Variants in ARHGAP6 observed in about 807,000 individuals in gnomAD.
The protein encoded by ARHGAP6 is rho GTPase-activating protein 6.
A neutral mutation model predicts 55.7 loss-of-function variants in ARHGAP6; 16 were observed. The ratio of observed to expected loss-of-function variants is 0.29; its 90% confidence interval spans 0.19 to 0.44. ARHGAP6 has a LOEUF of 0.44. Among genes scored for constraint, ARHGAP6 ranks in the 20% least tolerant of loss-of-function variants. The probability of loss-of-function intolerance (pLI) is 1.00; values close to 1 mark genes in which losing one functional copy is unlikely to be tolerated. For missense variants in ARHGAP6, 698 were observed against 808.9 expected, an observed-to-expected ratio of 0.86 and a Z score of 1.66; for synonymous variants, 382 against 360.9, an observed-to-expected ratio of 1.06 and a Z score of -0.66.
At chrX:11,488,994 T>C (rs1250587988) in intron 1 of ARHGAP6, among the ~76,000 whole-genome samples, 1 of 112,161 alleles carries the variant, frequency 8.9e-6, no homozygotes. Flanking sequence ...AATGATTTTA[T>C]AATAATCTAT....
chrX:11,298,765 C>T lies in ARHGAP6; in HGVS notation c.589-44058G>A, dbSNP rs771933695. 1.2e-5 allele frequency: 15 copies of T among 1,208,780 alleles called. No homozygotes were observed. The highest frequency in any genetic ancestry group is 7.0e-5 in the African/African-American group (4 of 56,768). ...CAACACCACCAGCCAAACCTCCCTC[C>T]GCCCGCCCAGCAGCCCTACCAGCCC... is the stretch of plus-strand genomic sequence containing the variant. On this transcript the variant is annotated intron_variant, in intron 1 of 12. Transcript: ENST00000337414.
chrX:11,192,635 G>A (rs2046475412), intron 3 of ARHGAP6, among the ~76,000 whole-genome samples: 1 of 112,351 alleles, frequency 8.9e-6, no homozygotes, highest in South Asian at 3.7e-4. Context: ...TTACTTCACA[G>A]CTCACATACA....
At chrX:11,293,069 T>C (rs779172647) in intron 1 of ARHGAP6, among the ~76,000 whole-genome samples, 6 of 112,484 alleles carry the variant, frequency 5.3e-5, no homozygotes, top group East Asian at 2.8e-4. Context: ...CCACCTACCT[T>C]GATTTTTGTA....
intron 1 of ARHGAP6, among the ~76,000 whole-genome samples, chrX:11,565,846 C>T (rs917293894): frequency 8.9e-6 from 1 of 111,747 alleles, no homozygotes; most frequent in African/African-American, 3.3e-5. Flanking sequence ...GTTAACTGGC[C>T]TCCATAGAAG....
chrX:11,180,136 A>G (rs1013591087), intron 6 of ARHGAP6, among the ~76,000 whole-genome samples: 2 of 111,501 alleles, frequency 1.8e-5, no homozygotes, highest in African/African-American at 3.3e-5. Context: ...CTTATTAACA[A>G]TTACCAGAAG....
chrX:11,544,623 C>G lies in ARHGAP6; in HGVS notation c.588+119618G>C, dbSNP rs1228431246. On this transcript the variant is annotated intron_variant, in intron 1 of 12. Coordinates refer to ENST00000337414, the MANE Select transcript of ARHGAP6 (RefSeq NM_013427.3). ...TTGGAATGAGGTTCACTTCATGGTT[C>G]ATCTTATTTGTTTCAAGCAAGGGTC... Among the ~76,000 whole-genome samples, 39 of 111,760 alleles carry G rather than the reference C, an allele frequency of 3.5e-4. No homozygotes were observed. The Admixed American group carries it at 3.7e-3, about 11-fold the overall frequency.
Position 11,507,908 on chromosome X carries a change from T to G in ARHGAP6, c.588+156333A>C, listed in dbSNP as rs368354654. Among the ~76,000 whole-genome samples, 4 of 112,028 alleles carry G rather than the reference T, an allele frequency of 3.6e-5. No homozygotes were observed. In the East Asian group the frequency reaches 1.1e-3, roughly 32 times the overall value. The stretch of plus-strand genomic sequence containing the variant: ...TAGTCCCACTGCTAATAAAGTAGTA[T>G]GCACTCATTCAACACATATTTCTTG... On this transcript the variant is annotated intron_variant, in intron 1 of 12. Coordinates refer to ENST00000337414, the MANE Select transcript of ARHGAP6 (RefSeq NM_013427.3).
At chrX:11,472,895 C>T (rs749943380) in intron 1 of ARHGAP6, among the ~76,000 whole-genome samples, 2 of 110,893 alleles carry the variant, frequency 1.8e-5, no homozygotes. Flanking sequence ...AGATCCACCC[C>T]TGCCTCCAAC....
At chrX:11,208,216 A>T (rs1455454826) in intron 2 of ARHGAP6, among the ~76,000 whole-genome samples, 1 of 111,318 alleles carries the variant, frequency 9.0e-6, no homozygotes, top group Non-Finnish European at 1.9e-5. Context: ...TGTGATTCAG[A>T]CTGTGGTGTG....
chrX:11,263,344 C>A (rs894709448), intron 1 of ARHGAP6, among the ~76,000 whole-genome samples: 4 of 111,622 alleles, frequency 3.6e-5, no homozygotes, highest in Admixed American at 9.5e-5. Flanking sequence ...ATGACACCAC[C>A]ATGCTTCCTG....
intron 1 of ARHGAP6, among the ~76,000 whole-genome samples, chrX:11,619,411 GTTTGT>G (rs2052202913): frequency 8.9e-6 from 1 of 112,008 alleles, no homozygotes; most frequent in African/African-American, 3.2e-5. Context: ...ATTAATGTGG[GTTTGT>G]TTTAATAATT....
chrX:11,561,742 G>T (rs894251130), intron 1 of ARHGAP6, among the ~76,000 whole-genome samples: 2 of 112,335 alleles, frequency 1.8e-5, no homozygotes, highest in African/African-American at 6.5e-5. Context: ...GGACAAAAAT[G>T]GACTAGTGAT....
intron 1 of ARHGAP6, among the ~76,000 whole-genome samples, chrX:11,646,411 G>A (rs112678244): frequency 8.9e-6 from 1 of 111,780 alleles, no homozygotes; most frequent in East Asian, 2.8e-4. Flanking sequence ...TAGAACAGGA[G>A]ACAAGTCTTG....
intron 1 of ARHGAP6, chrX:11,351,651 C>T (rs2048865131): frequency 1.5e-6 from 1 of 689,590 alleles, no homozygotes; most frequent in Non-Finnish European, 1.7e-6. Flanking sequence ...GTTCCCAGGC[C>T]GGACCGTCAG....
chrX:11,412,507 CTTTAA>C, intron 1 of ARHGAP6, among the ~76,000 whole-genome samples: 1 of 112,205 alleles, frequency 8.9e-6, no homozygotes, highest in Admixed American at 9.4e-5. Context: ...ATTAAATTCT[CTTTAA>C]AGATAATCCG....
chrX:11,166,367 C>T (rs779836603), intron 9 of ARHGAP6, among the ~76,000 whole-genome samples: 1 of 111,908 alleles, frequency 8.9e-6, no homozygotes, highest in East Asian at 2.8e-4. Flanking sequence ...CTTTCTAATG[C>T]TAATAGAAGT....
At chrX:11,550,531 C>T (rs1393353601) in intron 1 of ARHGAP6, among the ~76,000 whole-genome samples, 1 of 111,775 alleles carries the variant, frequency 8.9e-6, no homozygotes, top group East Asian at 2.8e-4. Flanking sequence ...TCTTTAGTTT[C>T]TAAATCTCCT....
In ARHGAP6 at chrX:11,143,940, G is replaced by A; in HGVS notation, c.2176+40C>T. 1 of 1,211,886 alleles carries A rather than the reference G, an allele frequency of 8.3e-7. No individual in the cohort carries two copies. Among genetic ancestry groups the A allele is most frequent in the Non-Finnish European group, 1.1e-6 (1 of 895,497 alleles). ...TGCCACATGCAACAAGAGGAGGGTC[G>A]CTTGTTTTGGCCAGCGCCTGCTGGC... On this transcript the variant is annotated intron_variant, in intron 11 of 12. Coordinates refer to ENST00000337414, the MANE Select transcript of ARHGAP6 (RefSeq NM_013427.3).
chrX:11,481,020 TC>T, intron 1 of ARHGAP6, among the ~76,000 whole-genome samples: 1 of 112,268 alleles, frequency 8.9e-6, no homozygotes, highest in African/African-American at 3.2e-5. Flanking sequence ...TATTAATAAA[TC>T]TTTTAGAAAA....
Sources: gnomAD v4.1 joint callset for allele counts (sites outside exome capture counted in the v4.1 genomes callset) on GRCh38, gnomAD v4.1.1 for gene constraint, MANE v1.5 for transcripts, NCBI Gene and HGNC (gene_info 2026-07-23, HGNC 2026-07-21) for gene names.